The following PCSK2 variants were observed in gnomAD, a reference collection of about 807,000 sequenced individuals.
PCSK2 encodes neuroendocrine convertase 2.
A neutral mutation model predicts 69.7 loss-of-function variants in PCSK2; 14 were observed. The ratio of observed to expected loss-of-function variants is 0.20; its 90% CI spans 0.13 to 0.31. The LOEUF (loss-of-function observed/expected upper bound fraction) is 0.31. PCSK2 is among the 10% of genes least tolerant of loss of function. PCSK2 has a pLI of 1.00. For missense variants in PCSK2, 544 were observed against 842.5 expected (o/e 0.65, Z 4.39); for synonymous variants, 307 against 320.7 (o/e 0.96, Z 0.46).
At chr20:17,294,353 G>T (rs1290309734) in intron 2 of PCSK2, among the ~76,000 whole-genome samples, 2 of 151,912 alleles carry the variant, frequency 1.3e-5, no homozygotes, top group African/African-American at 2.4e-5. Flanking sequence ...TGATCCACCC[G>T]CCTCGGCCTC....
At position 17,369,021 on chromosome 20, in the gene PCSK2, C is replaced by A. The variant is rs2288351; in HGVS notation, c.506-219C>A. On this transcript the variant is annotated intron_variant, in intron 4 of 11. Coordinates refer to ENST00000262545, the MANE Select transcript of PCSK2 (RefSeq NM_002594.5). ...ATCCATCTCACTGTCACAAAGCTGT[C>A]TTGGGCAGCTGTCTCTCCGCTCTGG... Among the ~76,000 whole-genome samples, 212 of 152,318 alleles carry A rather than the reference C, an allele frequency of 1.4e-3. 4 individuals carry two copies. The East Asian group carries it at 0.032, about 23-fold the overall frequency.
At chr20:17,344,886 C>G (rs556892571) in intron 2 of PCSK2, among the ~76,000 whole-genome samples, 4 of 152,142 alleles carry the variant, frequency 2.6e-5, no homozygotes, top group African/African-American at 9.7e-5. Flanking sequence ...TAGCATTTCT[C>G]CCTGACTTGC....
chr20:17,431,066 A>G (rs921142038), intron 7 of PCSK2, among the ~76,000 whole-genome samples: 4 of 152,174 alleles, frequency 2.6e-5, no homozygotes, highest in African/African-American at 9.7e-5. Context: ...GCCTAAAAGC[A>G]AAACCTGAGA....
intron 5 of PCSK2, among the ~76,000 whole-genome samples, chr20:17,398,874 G>A (rs1386026099): frequency 6.6e-6 from 1 of 152,054 alleles, no homozygotes; most frequent in African/African-American, 2.4e-5. Flanking sequence ...CTCTTGTGCA[G>A]CTTGAGTTAG....
chr20:17,449,898 A>G (rs1425722490), intron 8 of PCSK2, among the ~76,000 whole-genome samples: 1 of 149,030 alleles, frequency 6.7e-6, no homozygotes, highest in Non-Finnish European at 1.5e-5. Context: ...TATGGCCAAT[A>G]TCTTTCCATG....
intron 10 of PCSK2, among the ~76,000 whole-genome samples, chr20:17,462,502 T>C (rs981548346): frequency 6.6e-6 from 1 of 152,206 alleles, no homozygotes; most frequent in Admixed American, 6.5e-5. Flanking sequence ...AACTCCTGAC[T>C]AGGATAACAC....
chr20:17,430,164 A>G (rs994018821), intron 7 of PCSK2, among the ~76,000 whole-genome samples: 1 of 152,186 alleles, frequency 6.6e-6, no homozygotes, highest in Non-Finnish European at 1.5e-5. Context: ...CTTTAGAAAT[A>G]AGAGTGGCAA....
At chr20:17,352,393 C>A (rs1262521999) in intron 2 of PCSK2, among the ~76,000 whole-genome samples, 2 of 152,170 alleles carry the variant, frequency 1.3e-5, no homozygotes, top group Non-Finnish European at 2.9e-5. Context: ...ATAGCCAAAG[C>A]AATCCTAAGC....
intron 2 of PCSK2, among the ~76,000 whole-genome samples, chr20:17,303,521 AAT>A (rs1568593814): frequency 1.2e-5 from 1 of 80,716 alleles, no homozygotes; most frequent in Non-Finnish European, 2.1e-5. Flanking sequence ...TATATAATAT[AAT>A]ATATATTATA....
At chr20:17,320,876 C>T (rs922999121) in intron 2 of PCSK2, among the ~76,000 whole-genome samples, 1 of 152,128 alleles carries the variant, frequency 6.6e-6, no homozygotes, top group South Asian at 2.1e-4. Context: ...CCTTAACCAT[C>T]GCCGGAGTAC....
intron 2 of PCSK2, among the ~76,000 whole-genome samples, chr20:17,293,966 T>G (rs1988781788): frequency 6.6e-6 from 1 of 152,186 alleles, no homozygotes. Context: ...GGGTTTCAAT[T>G]TCTTTTAAGC....
At chr20:17,262,536 A>G (rs1987430865) in intron 2 of PCSK2, among the ~76,000 whole-genome samples, 1 of 152,168 alleles carries the variant, frequency 6.6e-6, no homozygotes. Context: ...TCTTTCCTGC[A>G]TGATGTTCTC....
chr20:17,343,157 G>A (rs1990556633), intron 2 of PCSK2, among the ~76,000 whole-genome samples: 1 of 152,194 alleles, frequency 6.6e-6, no homozygotes, highest in Admixed American at 6.5e-5. Flanking sequence ...TCTCTGTATT[G>A]CATGAGAAAA....
intron 2 of PCSK2, among the ~76,000 whole-genome samples, chr20:17,337,685 G>A (rs1184965466): frequency 6.6e-6 from 1 of 152,028 alleles, no homozygotes; most frequent in Non-Finnish European, 1.5e-5. Flanking sequence ...AACATTTTGG[G>A]AGTCCGATGC....
intron 1 of PCSK2, among the ~76,000 whole-genome samples, chr20:17,237,403 C>T (rs960574481): frequency 6.6e-6 from 1 of 152,160 alleles, no homozygotes; most frequent in Non-Finnish European, 1.5e-5. Context: ...TGAGAGAAAA[C>T]AAAGCGAAGT....
chr20:17,336,592 A>T (rs1228949897), intron 2 of PCSK2, among the ~76,000 whole-genome samples: 2 of 152,238 alleles, frequency 1.3e-5, no homozygotes, highest in Admixed American at 6.5e-5. Context: ...GAGGAGCAAC[A>T]ATGGCAGTTC....
At chr20:17,239,434 T>C (rs1052783997) in intron 1 of PCSK2, among the ~76,000 whole-genome samples, 3 of 119,656 alleles carry the variant, frequency 2.5e-5, no homozygotes, top group African/African-American at 3.7e-5. Flanking sequence ...TCTCTTGAAG[T>C]TCAGTAGCAG....
chr20:17,248,210 G>GTGTT (rs1986842432), intron 1 of PCSK2, among the ~76,000 whole-genome samples: 1 of 133,444 alleles, frequency 7.5e-6, no homozygotes, highest in African/African-American at 2.7e-5. Flanking sequence ...GTGTGTGTGT[G>GTGTT]TGTGTTTCAA....
At chr20:17,384,750 T>A (rs906626693) in intron 5 of PCSK2, among the ~76,000 whole-genome samples, 3 of 152,100 alleles carry the variant, frequency 2.0e-5, no homozygotes, top group African/African-American at 7.2e-5. Flanking sequence ...CTGAGTAACA[T>A]GGCAACACCC....
Sources: allele counts gnomAD v4.1 joint callset (sites outside exome capture counted in the v4.1 genomes callset), GRCh38; gene constraint gnomAD v4.1.1; transcripts MANE v1.5; gene names NCBI Gene and HGNC (gene_info 2026-07-23, HGNC 2026-07-21).